Variants in TRAPPC9 observed in about 807,000 individuals in gnomAD.
The protein encoded by TRAPPC9 is trafficking protein particle complex subunit 9.
In TRAPPC9, 83 loss-of-function variants were observed where a neutral mutation model predicts 124.0. That is an observed-to-expected ratio of 0.67 (90% CI 0.56 to 0.80). The LOEUF (loss-of-function observed/expected upper bound fraction) is 0.80, where lower values mean the gene tolerates loss of function less well. Ranked by LOEUF, TRAPPC9 falls within the 30% of genes least tolerant of loss-of-function variation. The pLI is 0.00. For missense variants in TRAPPC9, 1,302 were observed against 1,508.3 expected, an observed-to-expected ratio of 0.86 and a Z score of 2.27; for synonymous variants, 638 against 617.5, an observed-to-expected ratio of 1.03 and a Z score of -0.49.
At chr8:139,912,189 T>C (rs920484169) in intron 19 of TRAPPC9, among the ~76,000 whole-genome samples, 5 of 152,332 alleles carry the variant, frequency 3.3e-5, no homozygotes, top group Non-Finnish European at 7.4e-5. Flanking sequence ...CCCTAAGTAT[T>C]TGTATTTAAC....
chr8:140,029,222 T>A (rs7002346), intron 17 of TRAPPC9, among the ~76,000 whole-genome samples: 23,164 of 152,190 alleles, frequency 0.15, 2,215 homozygotes, highest in African/African-American at 0.27. Flanking sequence ...TCCCAAAAGA[T>A]GGCCAGGCAT....
intron 17 of TRAPPC9, among the ~76,000 whole-genome samples, chr8:140,086,665 T>G (rs2130100334): frequency 6.6e-6 from 1 of 152,290 alleles, no homozygotes; most frequent in South Asian, 2.1e-4. Flanking sequence ...CTCATGCCTG[T>G]AATCCCAGCA....
rs1043647203 is a variant in TRAPPC9 at position 140,270,889 on chromosome 8, C to T, written c.2278+4769G>A. 1.8e-4 allele frequency among the ~76,000 whole-genome samples: 27 copies of T among 152,288 alleles called. 1 individual carries two copies. Among genetic ancestry groups the T allele is most frequent in the Admixed American group, 9.8e-4 (15 of 15,300 alleles). On this transcript the variant is annotated intron_variant, in intron 15 of 22. Coordinates refer to ENST00000438773, the MANE Select transcript of TRAPPC9 (RefSeq NM_001160372.4). ...GGGCAGAGGCTGGGCCACACAGGGC[C>T]GCGGGGGCCAGGGCGACAGCAGCCA...
intron 19 of TRAPPC9, among the ~76,000 whole-genome samples, chr8:139,950,542 T>C (rs539847738): frequency 3.3e-5 from 5 of 152,336 alleles, no homozygotes; most frequent in African/African-American, 1.2e-4. Flanking sequence ...GTTGTGACTT[T>C]CAACAGGATG....
chr8:140,130,061 A>G (rs1423656813), intron 17 of TRAPPC9, among the ~76,000 whole-genome samples: 2 of 152,124 alleles, frequency 1.3e-5, no homozygotes, highest in Non-Finnish European at 2.9e-5. Context: ...GCAAGGAAGA[A>G]CTCAAAGAGT....
At position 139,961,782 on chromosome 8, in the gene TRAPPC9, G is replaced by A. The variant is rs1265486578; in HGVS notation, c.2810+26944C>T. ...TGCTGCCTCTTCTGGACCCACCCAT[G>A]GCTGCCTATGGACCAGTCGGCAGGC... On this transcript the variant is annotated intron_variant, in intron 19 of 22. Transcript: ENST00000438773. Among the ~76,000 whole-genome samples the A allele has an allele frequency of 4.8e-5, 6 of 123,890 alleles. 1 individual carries two copies. The highest frequency in any genetic ancestry group is 1.5e-4 in the African/African-American group (6 of 39,196). The allele number at this position is 123,890 out of a possible 152,430, so 81.3% of individuals were successfully genotyped here.
chr8:140,285,794 C>G (rs78651729), intron 13 of TRAPPC9, among the ~76,000 whole-genome samples: 9 of 152,294 alleles, frequency 5.9e-5, no homozygotes, highest in African/African-American at 2.2e-4. Flanking sequence ...TCACTCTCCC[C>G]GCTGGGTCCA....
At chr8:140,401,027 T>C (rs1354688078) in intron 6 of TRAPPC9, among the ~76,000 whole-genome samples, 2 of 152,254 alleles carry the variant, frequency 1.3e-5, no homozygotes, top group Non-Finnish European at 2.9e-5. Context: ...CCATGTATAC[T>C]AGTACCTGAA....
chr8:140,411,078 C>A (rs2069691128), intron 5 of TRAPPC9, among the ~76,000 whole-genome samples: 1 of 152,040 alleles, frequency 6.6e-6, no homozygotes, highest in African/African-American at 2.4e-5. Context: ...GGTATCATGA[C>A]CAAGGATAAA....
At chr8:139,915,433 G>A (rs181768221) in intron 19 of TRAPPC9, among the ~76,000 whole-genome samples, 2 of 152,264 alleles carry the variant, frequency 1.3e-5, no homozygotes, top group East Asian at 3.9e-4. Flanking sequence ...TTTTAGTAGA[G>A]ATGGGGTTTC....
chr8:140,326,461 C>T (rs1197354417), intron 9 of TRAPPC9, among the ~76,000 whole-genome samples: 3 of 152,120 alleles, frequency 2.0e-5, no homozygotes, highest in African/African-American at 4.8e-5. Flanking sequence ...TCAAAGGACC[C>T]GCTTTGCCTG....
At chr8:140,212,325 G>A (rs745753539) in intron 17 of TRAPPC9, among the ~76,000 whole-genome samples, 1 of 152,144 alleles carries the variant, frequency 6.6e-6, no homozygotes, top group African/African-American at 2.4e-5. Context: ...TTTATCAAAC[G>A]CTTTTTCTGT....
chr8:139,870,359 G>T (rs1372187106), intron 21 of TRAPPC9, among the ~76,000 whole-genome samples: 2 of 152,318 alleles, frequency 1.3e-5, no homozygotes, highest in African/African-American at 4.8e-5. Flanking sequence ...AATGAAGCAG[G>T]TCTTTTAAAG....
intron 17 of TRAPPC9, among the ~76,000 whole-genome samples, chr8:140,109,621 C>A (rs569327983): frequency 5.3e-5 from 8 of 152,160 alleles, no homozygotes; most frequent in Admixed American, 1.3e-4. Context: ...TCTACTGCAC[C>A]TTACTGTATT....
chr8:140,300,567 A>G lies in TRAPPC9; in HGVS notation c.1670T>C (p.Met557Thr). ...NLPASLRPHKMKSLLGQNVST... is the reference protein window; with the variant it reads ...NLPASLRPHKTKSLLGQNVST... ...CACGTTCTGACCCAGCAAGCTTTTCATTTTGTGTGGCCGGAGGCTAGCAGG... is the reference window on the plus strand; with the variant it reads ...CACGTTCTGACCCAGCAAGCTTTTCGTTTTGTGTGGCCGGAGGCTAGCAGG... The change falls in exon 11 of 23, where the codon ATG (methionine) becomes ACG (threonine). Residue 557 changes from methionine (M) to threonine (T), a missense_variant. By Grantham distance (81) the Met-to-Thr change is moderately conservative (BLOSUM62 -1). Coordinates refer to ENST00000438773, the MANE Select transcript of TRAPPC9 (RefSeq NM_001160372.4). 1 of 1,614,238 alleles carries G rather than the reference A, an allele frequency of 6.2e-7. No homozygotes were observed. Among genetic ancestry groups the G allele is most frequent in the South Asian group, 1.1e-5 (1 of 91,088 alleles).
At chr8:139,857,031 C>T (rs966884961) in intron 21 of TRAPPC9, among the ~76,000 whole-genome samples, 9 of 149,490 alleles carry the variant, frequency 6.0e-5, no homozygotes, top group South Asian at 2.2e-4. Context: ...ACAGTCGGGA[C>T]GCCCTGGGAA....
chr8:139,888,691 T>C (rs570786658), intron 20 of TRAPPC9, among the ~76,000 whole-genome samples: 1 of 152,310 alleles, frequency 6.6e-6, no homozygotes, highest in East Asian at 1.9e-4. Context: ...CCAAACGAAA[T>C]TTTCTCCATC....
intron 17 of TRAPPC9, among the ~76,000 whole-genome samples, chr8:140,133,845 G>T (rs1373202252): frequency 2.0e-5 from 3 of 150,114 alleles, no homozygotes; most frequent in African/African-American, 7.4e-5. Flanking sequence ...TTTAACCAAA[G>T]AGGTAAAAGA....
intron 17 of TRAPPC9, among the ~76,000 whole-genome samples, chr8:140,149,566 G>C (rs565224754): frequency 6.6e-6 from 1 of 151,702 alleles, no homozygotes; most frequent in Non-Finnish European, 1.5e-5. Context: ...GTAGTGGTGA[G>C]CTGAGAGAGA....
Sources: allele counts gnomAD v4.1 joint callset (sites outside exome capture counted in the v4.1 genomes callset), GRCh38; gene constraint gnomAD v4.1.1; transcripts MANE v1.5; gene names NCBI Gene and HGNC (gene_info 2026-07-23, HGNC 2026-07-21).